The following CHRM1 variants were observed in gnomAD, a reference collection of about 807,000 sequenced individuals.
CHRM1 encodes muscarinic acetylcholine receptor M1.
CHRM1 carries 5 observed loss-of-function variants against 31.6 expected under a neutral mutation model. The observed-to-expected ratio is 0.16, with a 90% confidence interval of 0.08 to 0.33. CHRM1 has a LOEUF of 0.33. Ranked by LOEUF, CHRM1 falls within the 10% of genes least tolerant of loss-of-function variation. The pLI is 1.00. For missense variants in CHRM1, 338 were observed against 610.3 expected (o/e 0.55, Z 4.70); for synonymous variants, 227 against 249.7 (o/e 0.91, Z 0.86).
At chr11:62,919,996 G>A (rs1051526052) in intron 1 of CHRM1, among the ~76,000 whole-genome samples, 9 of 152,162 alleles carry the variant, frequency 5.9e-5, no homozygotes, top group Middle Eastern at 3.4e-3. Context: ...AACTCCAACC[G>A]CCAGCTGTCA....
chr11:62,912,535 G>A (rs781210468), intron 1 of CHRM1, among the ~76,000 whole-genome samples: 43 of 152,312 alleles, frequency 2.8e-4, no homozygotes, highest in Non-Finnish European at 5.3e-4. Context: ...GCTGAGTGAG[G>A]AGAAGCAAGG....
Position 62,910,149 on chromosome 11 carries a change from G to T in CHRM1, c.952C>A (p.Pro318Thr), listed in dbSNP as rs768891893. ...DPEAQAPTKQ[P>T]PRSSPNTVKR... The stretch of plus-strand genomic sequence containing the variant: ...ACTGTATTTGGGGAGCTCCGTGGGG[G>T]CTGCTTGGTGGGGGCCTGTGCCTCG... Residue 318 changes from proline to threonine, a missense_variant, in exon 2 of 2, where the codon CCC becomes ACC. Transcript: ENST00000306960. This position sits in a 1 kb window ranked among gnomAD's most constrained non-coding sequence, Gnocchi z 8.7. 4 of 1,606,384 alleles carry T rather than the reference G, an allele frequency of 2.5e-6. No homozygotes were observed. Among genetic ancestry groups the T allele is most frequent in the Non-Finnish European group, 3.4e-6 (4 of 1,176,338 alleles).
rs1441801093 is a variant in CHRM1, at chr11:62,909,796, G to A, written c.1305C>T (p.Cys435=). The A allele has an allele frequency of 1.9e-6, 3 of 1,614,256 alleles. No individual in the cohort carries two copies. Among genetic ancestry groups the A allele is most frequent in the Non-Finnish European group, 2.5e-6 (3 of 1,180,032 alleles). The change falls in exon 2 of 2, where the codon TGC becomes TGT. Residue 435 remains cysteine (C), a synonymous_variant. Coordinates refer to ENST00000306960, the MANE Select transcript of CHRM1 (RefSeq NM_000738.3). ...TGCGCCAGCGTCTCTTGTCCCAGCGGCAAAGCAGCAGCAGGCGAAAGGTGT... is the reference window on the plus strand; with the variant it reads ...TGCGCCAGCGTCTCTTGTCCCAGCGACAAAGCAGCAGCAGGCGAAAGGTGT... ...FRDTFRLLLL[C]RWDKRRWRKI...
rs2085855896 is a variant in CHRM1 at position 62,909,557 on chromosome 11, A to G, written c.*161T>C. ...CTGCCTGGGAATAGCGAAGTCTGGA[A>G]AGTTGGCAGGGTCTCTCTGGGCTGC... is the stretch of plus-strand genomic sequence containing the variant. On this transcript the variant is annotated 3_prime_UTR_variant, in exon 2 of 2. Coordinates refer to ENST00000306960, the MANE Select transcript of CHRM1 (RefSeq NM_000738.3). The G allele has an allele frequency of 7.3e-6, 6 of 820,112 alleles. No individual in the cohort carries two copies. The highest frequency in any genetic ancestry group is 9.5e-6 in the Non-Finnish European group (5 of 528,226). The allele number at this position is 820,112 out of a possible 1,614,324, so 50.8% of individuals were successfully genotyped here.
chr11:62,913,837 G>T (rs1316497111), intron 1 of CHRM1, among the ~76,000 whole-genome samples: 1 of 151,984 alleles, frequency 6.6e-6, no homozygotes, highest in Non-Finnish European at 1.5e-5. Flanking sequence ...ATCAAGGGAT[G>T]GCTGTTGTCT....
At position 62,909,690 on chromosome 11, in the gene CHRM1, G is replaced by C. The variant is rs1393166438; in HGVS notation, c.*28C>G. The C allele has an allele frequency of 1.9e-6, 3 of 1,607,046 alleles. No homozygotes were observed. The East Asian group carries it at 6.7e-5, about 36-fold the overall frequency. On this transcript the variant is annotated 3_prime_UTR_variant, in exon 2 of 2. Transcript: ENST00000306960. ...TCCCACCGGCCTTTCCCGGGGACTG[G>C]GGTGGAGGGATGCAGGAGAGGGGAC...
At chr11:62,916,260 A>G (rs2085899907) in intron 1 of CHRM1, among the ~76,000 whole-genome samples, 1 of 151,978 alleles carries the variant, frequency 6.6e-6, no homozygotes, top group Non-Finnish European at 1.5e-5. Context: ...GTCTGGGGAG[A>G]TTTTACTAAG....
chr11:62,920,275 C>T (rs1334046081), intron 1 of CHRM1, among the ~76,000 whole-genome samples: 1 of 152,144 alleles, frequency 6.6e-6, no homozygotes, highest in East Asian at 1.9e-4. Context: ...AGATGTGAAC[C>T]CCTCTCCATT....
rs1031880224 is a variant in CHRM1, at chr11:62,909,363, T to G, written c.*355A>C. The G allele has an allele frequency of 7.9e-6, 2 of 252,010 alleles. No homozygotes were observed. The highest frequency in any genetic ancestry group is 4.5e-5 in the African/African-American group (2 of 44,756). The allele number at this position is 252,010 out of a possible 1,614,324, so 15.6% of individuals were successfully genotyped here. ...GGGCCGCTGCTGGGCCAAGGAATAC[T>G]TAATGTTAAGCCTTCTTTCTCCTGG... is the stretch of plus-strand genomic sequence containing the variant. On this transcript the variant is annotated 3_prime_UTR_variant, in exon 2 of 2. Transcript: ENST00000306960.
intron 1 of CHRM1, among the ~76,000 whole-genome samples, chr11:62,914,287 G>A (rs2085889006): frequency 6.6e-6 from 1 of 152,126 alleles, no homozygotes; most frequent in African/African-American, 2.4e-5. Flanking sequence ...ACTGAGAAAA[G>A]CAAGGGAATT....
intron 1 of CHRM1, among the ~76,000 whole-genome samples, chr11:62,919,895 G>T (rs2085922828): frequency 1.3e-5 from 2 of 152,092 alleles, no homozygotes; most frequent in Admixed American, 6.6e-5. Context: ...CCATACAATA[G>T]AAAGCCTCCT....
intron 1 of CHRM1, among the ~76,000 whole-genome samples, chr11:62,913,197 G>C (rs2085881262): frequency 6.6e-6 from 1 of 152,122 alleles, no homozygotes. Context: ...ATATGCCTAG[G>C]TTTCCTTAAT....
Position 62,909,668 on chromosome 11 carries a change from C to T in CHRM1, c.*50G>A, listed in dbSNP as rs1194864539. On this transcript the variant is annotated 3_prime_UTR_variant, in exon 2 of 2. Transcript: ENST00000306960. ...GAGGATGCAGCCCCTGCCCTCTTCC[C>T]ACCGGCCTTTCCCGGGGACTGGGGT... The T allele has an allele frequency of 1.3e-6, 2 of 1,586,600 alleles. No individual in the cohort carries two copies. Among genetic ancestry groups the T allele is most frequent in the Non-Finnish European group, 1.7e-6 (2 of 1,165,934 alleles).
intron 1 of CHRM1, among the ~76,000 whole-genome samples, chr11:62,917,254 G>A (rs1273521619): frequency 6.6e-6 from 1 of 152,186 alleles, no homozygotes; most frequent in Middle Eastern, 3.2e-3. Flanking sequence ...CCTAGGCTGA[G>A]GATTAGGGTA....
chr11:62,913,858 T>A (rs1227382105), intron 1 of CHRM1, among the ~76,000 whole-genome samples: 1 of 152,076 alleles, frequency 6.6e-6, no homozygotes, highest in East Asian at 1.9e-4. Context: ...CCATTTTTTT[T>A]TTTTGAGATG....
intron 1 of CHRM1, among the ~76,000 whole-genome samples, chr11:62,917,587 T>C (rs1268030502): frequency 6.6e-6 from 1 of 151,926 alleles, no homozygotes; most frequent in African/African-American, 2.4e-5. Context: ...TGTGTGAGGG[T>C]ATATGCATTG....
At chr11:62,919,726 T>G (rs1456604507) in intron 1 of CHRM1, among the ~76,000 whole-genome samples, 1 of 152,022 alleles carries the variant, frequency 6.6e-6, no homozygotes, top group African/African-American at 2.4e-5. Flanking sequence ...CAGAGCTTAC[T>G]GCGCCCCCTG....
chr11:62,915,387 C>G (rs1435839539), intron 1 of CHRM1, among the ~76,000 whole-genome samples: 2 of 152,140 alleles, frequency 1.3e-5, no homozygotes, highest in Non-Finnish European at 2.9e-5. Flanking sequence ...TAAATAAAGA[C>G]AGGGTCCACC....
chr11:62,910,339 A>C lies in CHRM1; in HGVS notation c.762T>G (p.Thr254=), dbSNP rs546005874. ...AGCAGCGACAGCAGCGGCCTGGAGGAGTCTCTGGTGAGCCCTCAGCCCCTG... is the reference window on the plus strand; with the variant it reads ...AGCAGCGACAGCAGCGGCCTGGAGGCGTCTCTGGTGAGCCCTCAGCCCCTG... ...SQPGAEGSPE[T]PPGRCCRCCR... The change falls in exon 2 of 2, where the codon ACT becomes ACG. Residue 254 remains threonine, a synonymous_variant. Coordinates refer to ENST00000306960, the MANE Select transcript of CHRM1 (RefSeq NM_000738.3). The surrounding 1 kb of genome is among the most constrained non-coding windows in gnomAD (Gnocchi z 8.7). 2 of 1,609,960 alleles carry C rather than the reference A, an allele frequency of 1.2e-6. No individual in the cohort carries two copies. The highest frequency in any genetic ancestry group is 2.7e-5 in the African/African-American group (2 of 74,998).
Sources: allele counts gnomAD v4.1 joint callset (sites outside exome capture counted in the v4.1 genomes callset), GRCh38; gene constraint gnomAD v4.1.1; non-coding constraint Gnocchi (gnomAD v3.1); transcripts MANE v1.5; gene names NCBI Gene and HGNC (gene_info 2026-07-23, HGNC 2026-07-21).